TNS3: variants seen among roughly 807,000 people sequenced by gnomAD.
The protein encoded by TNS3 is tensin-3.
A neutral mutation model predicts 140.9 loss-of-function variants in TNS3; 45 were observed. That is an observed-to-expected ratio of 0.32 (90% CI 0.25 to 0.41). The LOEUF (loss-of-function observed/expected upper bound fraction) is 0.41. Among genes scored for constraint, TNS3 ranks in the 10% least tolerant of loss-of-function variants. TNS3 has a pLI of 1.00. For synonymous variants in TNS3, 815 were observed against 788.4 expected (o/e 1.03, Z -0.56); for missense variants, 1,716 against 1,906.7 (o/e 0.90, Z 1.86).
Position 47,292,017 on chromosome 7 carries a change from A to G in TNS3, c.3866T>C (p.Ile1289Thr), listed in dbSNP as rs997616108. 3.1e-6 allele frequency: 5 copies of G among 1,614,002 alleles called. No individual in the cohort carries two copies. The African/African-American group carries it at 6.7e-5, about 22-fold the overall frequency. Residue 1289 changes from isoleucine to threonine, a missense_variant, in exon 27 of 31, where the codon ATA becomes ACA. Transcript: ENST00000311160. ...TGCCGTCTGGGGAGAACTTTCTGCTATTTCCTCCAATGGATCTGTAGGAAG... is the reference window on the plus strand; with the variant it reads ...TGCCGTCTGGGGAGAACTTTCTGCTGTTTCCTCCAATGGATCTGTAGGAAG... ...LIPERDPLEE[I>T]AESSPQTAAN...
intron 27 of TNS3, among the ~76,000 whole-genome samples, chr7:47,286,415 A>G (rs1785423154): frequency 6.6e-6 from 1 of 152,154 alleles, no homozygotes; most frequent in Admixed American, 6.5e-5. Flanking sequence ...AAGTGCCCCA[A>G]AGCCTCTCTC....
intron 16 of TNS3, among the ~76,000 whole-genome samples, chr7:47,375,371 T>C (rs763783016): frequency 2.0e-4 from 31 of 152,130 alleles, no homozygotes; most frequent in Non-Finnish European, 1.0e-4. Flanking sequence ...AGATCTTAGT[T>C]AAAAATCCAA....
chr7:47,548,428 T>G (rs913971166), intron 1 of TNS3, among the ~76,000 whole-genome samples: 4 of 152,170 alleles, frequency 2.6e-5, no homozygotes, highest in African/African-American at 9.6e-5. Context: ...CCAGAATCCA[T>G]GTTCAACCCA....
intron 3 of TNS3, among the ~76,000 whole-genome samples, chr7:47,504,764 C>T (rs938218337): frequency 2.6e-5 from 4 of 152,134 alleles, no homozygotes; most frequent in African/African-American, 4.8e-5. Context: ...TCCCCAACAA[C>T]GACGGCATTA....
At chr7:47,280,684 C>T (rs573753825) in intron 28 of TNS3, among the ~76,000 whole-genome samples, 5 of 152,220 alleles carry the variant, frequency 3.3e-5, no homozygotes, top group Non-Finnish European at 2.9e-5. Flanking sequence ...GAGGCTGAGG[C>T]GGGTTGATCA....
chr7:47,377,371 G>A (rs1192748882), intron 16 of TNS3, among the ~76,000 whole-genome samples: 1 of 152,166 alleles, frequency 6.6e-6, no homozygotes. Flanking sequence ...TCGACTGTAC[G>A]ACTCCACATA....
At chr7:47,333,661 C>CATTGT (rs1788465297) in intron 20 of TNS3, among the ~76,000 whole-genome samples, 1 of 152,080 alleles carries the variant, frequency 6.6e-6, no homozygotes, top group South Asian at 2.1e-4. Flanking sequence ...TTGGTAAAAG[C>CATTGT]ATTGTATCTG....
rs374038899 is a variant in TNS3, at chr7:47,304,990, G to A, written c.2664C>T (p.Cys888=). The A allele has an allele frequency of 7.4e-7, 1 of 1,358,788 alleles. No individual in the cohort carries two copies. Among genetic ancestry groups the A allele is most frequent in the Non-Finnish European group, 9.6e-7 (1 of 1,043,968 alleles). The allele number at this position is 1,358,788 out of a possible 1,614,324, so 84.2% of individuals were successfully genotyped here. A position where few individuals can be genotyped will look rare whatever the true frequency, so the allele number is the denominator to read the frequency against. Residue 888 remains cysteine (C), a synonymous_variant, in exon 21 of 31, where the codon TGC becomes TGT. Transcript: ENST00000311160. ...QHKGGREPRS[C]PETLTHAVGM... ...CCACAGCGTGAGTGAGCGTCTCAGG[G>A]CAGCTTCGTGGTTCTGTAGCGGGAA...
chr7:47,474,145 C>G (rs1054731703), intron 4 of TNS3, among the ~76,000 whole-genome samples: 1 of 137,276 alleles, frequency 7.3e-6, no homozygotes, highest in African/African-American at 2.7e-5. Flanking sequence ...CACACACACA[C>G]AACACACATA....
intron 1 of TNS3, among the ~76,000 whole-genome samples, chr7:47,547,800 A>G (rs1799962086): frequency 6.6e-6 from 1 of 152,180 alleles, no homozygotes; most frequent in Non-Finnish European, 1.5e-5. Flanking sequence ...CCAGAAGAAA[A>G]TGGAGACCAC....
intron 2 of TNS3, among the ~76,000 whole-genome samples, chr7:47,512,605 T>A (rs1584795065): frequency 6.6e-6 from 1 of 152,300 alleles, no homozygotes; most frequent in South Asian, 2.1e-4. Flanking sequence ...ATAAACTTTG[T>A]GACCGACAGA....
intron 2 of TNS3, among the ~76,000 whole-genome samples, chr7:47,511,798 A>C (rs1031370884): frequency 8.5e-5 from 13 of 152,146 alleles, no homozygotes; most frequent in Admixed American, 2.0e-4. Context: ...AGCTGGACCC[A>C]CAAGAAGAAC....
intron 2 of TNS3, among the ~76,000 whole-genome samples, chr7:47,526,448 C>T (rs1045581724): frequency 2.6e-5 from 4 of 152,230 alleles, no homozygotes; most frequent in African/African-American, 9.6e-5. Context: ...CAGCAACAAA[C>T]CTAAGTACCA....
At chr7:47,317,840 G>C (rs567856456) in intron 20 of TNS3, among the ~76,000 whole-genome samples, 1 of 152,280 alleles carries the variant, frequency 6.6e-6, no homozygotes, top group African/African-American at 2.4e-5. Flanking sequence ...GACAGAGAGA[G>C]AGACCCACCC....
chr7:47,462,175 T>G (rs1179446031), intron 4 of TNS3, among the ~76,000 whole-genome samples: 3 of 152,342 alleles, frequency 2.0e-5, no homozygotes, highest in Non-Finnish European at 2.9e-5. Flanking sequence ...AATGACAGAT[T>G]CTGCCTGGAT....
At chr7:47,437,601 A>C (rs1216243676) in intron 6 of TNS3, among the ~76,000 whole-genome samples, 1 of 151,420 alleles carries the variant, frequency 6.6e-6, no homozygotes, top group Non-Finnish European at 1.5e-5. Flanking sequence ...AAAACAAATA[A>C]AATAAATAAG....
chr7:47,405,389 G>A (rs878998060), intron 13 of TNS3: 2 of 648,280 alleles, frequency 3.1e-6, no homozygotes, highest in South Asian at 3.6e-5. Flanking sequence ...AGGCCTCAAG[G>A]AATCTGTGAA....
chr7:47,400,494 G>A (rs1234351398), intron 14 of TNS3, 36 bp from the exon 15 acceptor site: 1 of 1,603,110 alleles, frequency 6.2e-7, no homozygotes, highest in Non-Finnish European at 8.5e-7. Context: ...CATTTGTGGA[G>A]ACAATTAACC....
intron 3 of TNS3, among the ~76,000 whole-genome samples, chr7:47,501,360 G>A (rs1798218194): frequency 6.6e-6 from 1 of 152,182 alleles, no homozygotes; most frequent in African/African-American, 2.4e-5. Context: ...AACCTTAAAA[G>A]CTGTGGCAAT....
Sources: allele counts gnomAD v4.1 joint callset (sites outside exome capture counted in the v4.1 genomes callset), GRCh38; gene constraint gnomAD v4.1.1; transcripts MANE v1.5; gene names NCBI Gene and HGNC (gene_info 2026-07-23, HGNC 2026-07-21).